ETV1: variants seen among roughly 807,000 people sequenced by gnomAD.
ETV1 encodes the protein ETS variant transcription factor 1.
In ETV1, 27 loss-of-function variants were observed where a neutral mutation model predicts 62.3. The ratio of observed to expected loss-of-function variants is 0.43; its 90% CI spans 0.32 to 0.60. The LOEUF is 0.60. Among genes scored for constraint, ETV1 ranks in the 20% least tolerant of loss-of-function variants. The pLI, the probability that ETV1 is intolerant of heterozygous loss-of-function variation, is 0.06. For synonymous variants in ETV1, 222 were observed against 199.6 expected (o/e 1.11, Z -0.94); for missense variants, 605 against 605.8 (o/e 1.00, Z 0.01).
At chr7:13,927,474 A>G (rs1427907706) in intron 9 of ETV1, among the ~76,000 whole-genome samples, 1 of 152,134 alleles carries the variant, frequency 6.6e-6, no homozygotes, top group East Asian at 1.9e-4. Context: ...CAAATAAACA[A>G]AATGCTTTTT....
intron 9 of ETV1, among the ~76,000 whole-genome samples, chr7:13,927,276 C>T (rs11505385): frequency 0.077 from 11,735 of 152,008 alleles, 832 homozygotes; most frequent in African/African-American, 0.19. Flanking sequence ...TGATGAACCC[C>T]TGTCTCTAAT....
intron 5 of ETV1, chr7:13,986,296 A>T (rs1224156507): frequency 6.6e-7 from 1 of 1,506,614 alleles, no homozygotes; most frequent in African/African-American, 1.4e-5. Flanking sequence ...TTCTGGCTCT[A>T]GGAGGTCTCT....
chr7:13,984,897 G>C (rs1384310088), intron 5 of ETV1, among the ~76,000 whole-genome samples: 1 of 146,870 alleles, frequency 6.8e-6, no homozygotes, highest in Non-Finnish European at 1.5e-5. Flanking sequence ...ACTTATCTGA[G>C]CTACAAGACA....
At chr7:13,913,536 C>T (rs2040884) in intron 9 of ETV1, among the ~76,000 whole-genome samples, 46,720 of 152,058 alleles carry the variant, frequency 0.31, 7,532 homozygotes, top group East Asian at 0.4. Context: ...TGCAACATTT[C>T]GCACAGTATC....
chr7:13,965,405 T>C (rs914138266), intron 6 of ETV1, among the ~76,000 whole-genome samples: 2 of 152,178 alleles, frequency 1.3e-5, no homozygotes, highest in Admixed American at 6.5e-5. Context: ...TTGATGAGAA[T>C]AATTTTCAAA....
intron 6 of ETV1, among the ~76,000 whole-genome samples, chr7:13,961,615 A>G (rs529568810): frequency 2.2e-4 from 34 of 152,278 alleles, no homozygotes; most frequent in African/African-American, 8.2e-4. Flanking sequence ...TTCAATGAAT[A>G]CATCAACTTT....
chr7:13,892,813 G>C lies in ETV1; in HGVS notation c.*3053C>G, dbSNP rs1781471305. The C allele has an allele frequency of 4.3e-6, 1 of 232,384 alleles. No individual in the cohort carries two copies. The highest frequency in any genetic ancestry group is 2.2e-5 in the African/African-American group (1 of 45,290). 14.4% of individuals were successfully genotyped at this position (232,384 alleles called of 1,614,324 possible). A position where few individuals can be genotyped will look rare whatever the true frequency, so the allele number is the denominator to read the frequency against. On this transcript the variant is annotated 3_prime_UTR_variant, in exon 14 of 14. Coordinates refer to ENST00000430479, the MANE Select transcript of ETV1 (RefSeq NM_004956.5). ...AGCCAAGGAATGTCAGCAGACTCTAGAAGTGAAAGCTGGAAGAATCTCCCC... is the reference window on the plus strand; with the variant it reads ...AGCCAAGGAATGTCAGCAGACTCTACAAGTGAAAGCTGGAAGAATCTCCCC...
At position 13,906,507 on chromosome 7, in the gene ETV1, G is replaced by A. The variant is rs898340571; in HGVS notation, c.1033C>T (p.Leu345=). 2.5e-6 allele frequency: 4 copies of A among 1,611,408 alleles called. No homozygotes were observed. The highest frequency in any genetic ancestry group is 3.4e-6 in the Non-Finnish European group (4 of 1,178,742). Residue 345 remains leucine (L), a synonymous_variant, in exon 12 of 14, where the codon CTG becomes TTG. Coordinates refer to ENST00000430479, the MANE Select transcript of ETV1 (RefSeq NM_004956.5). ...LQLWQFLVAL[L]DDPSNSHFIA... ...AAATGAGAATTTGAAGGGTCATCCA[G>A]AAGAGCTACCAAAAACTGCCAGAGC...
intron 8 of ETV1, among the ~76,000 whole-genome samples, chr7:13,934,830 T>C (rs1229312356): frequency 6.6e-6 from 1 of 152,122 alleles, no homozygotes; most frequent in South Asian, 2.1e-4. Context: ...ATGAAAGCAA[T>C]ATGTACATCA....
chr7:13,929,270 C>T (rs557191920), intron 9 of ETV1, among the ~76,000 whole-genome samples: 21 of 152,272 alleles, frequency 1.4e-4, no homozygotes, highest in Non-Finnish European at 2.6e-4. Flanking sequence ...ATGGGAATTT[C>T]AAGATACTCC....
At chr7:13,899,503 T>G (rs1320761196) in intron 13 of ETV1, among the ~76,000 whole-genome samples, 2 of 152,238 alleles carry the variant, frequency 1.3e-5, no homozygotes, top group African/African-American at 4.8e-5. Flanking sequence ...TATTTTTCGC[T>G]GCTCTAATAA....
intron 6 of ETV1, among the ~76,000 whole-genome samples, chr7:13,952,876 A>G (rs1324208779): frequency 6.6e-6 from 1 of 152,206 alleles, no homozygotes; most frequent in Non-Finnish European, 1.5e-5. Flanking sequence ...TAAAGCCCAA[A>G]CTTAATATAA....
chr7:13,901,304 C>T (rs1374517733), intron 12 of ETV1, among the ~76,000 whole-genome samples: 2 of 152,188 alleles, frequency 1.3e-5, no homozygotes, highest in African/African-American at 2.4e-5. Context: ...TGCGCCTGGC[C>T]TGGTTTGCAT....
intron 6 of ETV1, among the ~76,000 whole-genome samples, chr7:13,970,192 C>A (rs1009464958): frequency 4.0e-5 from 6 of 150,608 alleles, no homozygotes; most frequent in Non-Finnish European, 7.4e-5. Context: ...ACCCGGGAGG[C>A]GGAGCTTGCA....
chr7:13,976,029 G>C (rs1781420020), intron 6 of ETV1, among the ~76,000 whole-genome samples: 1 of 152,190 alleles, frequency 6.6e-6, no homozygotes, highest in Non-Finnish European at 1.5e-5. Context: ...GGGAGGACTT[G>C]TATTAGCCAT....
At chr7:13,948,637 G>A (rs1320011597) in intron 6 of ETV1, among the ~76,000 whole-genome samples, 1 of 152,092 alleles carries the variant, frequency 6.6e-6, no homozygotes, top group Non-Finnish European at 1.5e-5. Flanking sequence ...GGGCTACTTT[G>A]AGCTACAATG....
intron 9 of ETV1, among the ~76,000 whole-genome samples, chr7:13,922,146 GAA>G (rs1429081124): frequency 6.6e-6 from 1 of 152,012 alleles, no homozygotes; most frequent in Non-Finnish European, 1.5e-5. Context: ...TATCTATATT[GAA>G]ATAATTTGTT....
At chr7:13,984,557 T>G (rs926934153) in intron 5 of ETV1, among the ~76,000 whole-genome samples, 5 of 152,020 alleles carry the variant, frequency 3.3e-5, no homozygotes, top group African/African-American at 1.2e-4. Context: ...CGTTAACAAC[T>G]TTTTACTTAC....
intron 6 of ETV1, among the ~76,000 whole-genome samples, chr7:13,969,250 G>C (rs1414495414): frequency 6.6e-6 from 1 of 152,092 alleles, no homozygotes; most frequent in Non-Finnish European, 1.5e-5. Context: ...CTAAAATAGA[G>C]AATAATCTTT....
Sources: gnomAD v4.1 joint callset for allele counts (sites outside exome capture counted in the v4.1 genomes callset) on GRCh38, gnomAD v4.1.1 for gene constraint, MANE v1.5 for transcripts, NCBI Gene and HGNC (gene_info 2026-07-23, HGNC 2026-07-21) for gene names.